The following AFF1 variants were observed in gnomAD, a reference collection of about 807,000 sequenced individuals.
AFF1 encodes the protein ALF transcription elongation factor 1, also known as AF4/FMR2 family member 1.
In AFF1, 48 loss-of-function variants were observed where a neutral mutation model predicts 121.7. The observed-to-expected ratio is 0.39, with a 90% confidence interval of 0.31 to 0.50. The LOEUF is 0.50. AFF1 is among the 20% of genes least tolerant of loss of function. The probability of loss-of-function intolerance (pLI) is 0.76; values close to 1 mark genes in which losing one functional copy is unlikely to be tolerated. For synonymous variants in AFF1, 613 were observed against 563.0 expected (o/e 1.09, Z -1.26); for missense variants, 1,523 against 1,511.7 (o/e 1.01, Z -0.12).
At chr4:86,946,748 A>G (rs1720892802) in intron 1 of AFF1, among the ~76,000 whole-genome samples, 1 of 152,030 alleles carries the variant, frequency 6.6e-6, no homozygotes, top group Non-Finnish European at 1.5e-5. Flanking sequence ...TGGTTCTGTC[A>G]GTCAGTCAAC....
At chr4:87,088,614 T>TG (rs1723972997) in intron 5 of AFF1, among the ~76,000 whole-genome samples, 1 of 152,104 alleles carries the variant, frequency 6.6e-6, no homozygotes, top group East Asian at 1.9e-4. Flanking sequence ...AATTTTTTTT[T>TG]TTGTTGTTGA....
intron 8 of AFF1, among the ~76,000 whole-genome samples, chr4:87,105,324 C>G (rs1157585009): frequency 6.6e-6 from 1 of 152,176 alleles, no homozygotes; most frequent in Non-Finnish European, 1.5e-5. Context: ...CGCAACGAAT[C>G]CTTGTCTTGT....
intron 12 of AFF1, among the ~76,000 whole-genome samples, chr4:87,115,625 T>TTTTTTTTTTTTTTA (rs397994396): frequency 1.9e-5 from 2 of 103,036 alleles, no homozygotes; most frequent in Non-Finnish European, 2.0e-5. Flanking sequence ...TTTTTTTTTT[T>TTTTTTTTTTTTTTA]CCAAAGACAG....
At position 87,136,024 on chromosome 4, in the gene AFF1, C is replaced by G. The variant is rs1448765900; in HGVS notation, c.*323C>G. ...ATTTTTTTTTTAAACCAGCAGGATA[C>G]AAGTTGCAAATGAAATGAGGAGAAA... On this transcript the variant is annotated 3_prime_UTR_variant, in exon 21 of 21. Transcript: ENST00000395146. 1.5e-5 allele frequency: 4 copies of G among 272,074 alleles called. No homozygotes were observed. The highest frequency in any genetic ancestry group is 6.5e-5 in the African/African-American group (3 of 46,404). The allele number at this position is 272,074 out of a possible 1,614,324, so 16.9% of individuals were successfully genotyped here.
chr4:87,012,606 C>T (rs368107860), intron 2 of AFF1, among the ~76,000 whole-genome samples: 93 of 152,240 alleles, frequency 6.1e-4, no homozygotes, highest in African/African-American at 2.1e-3. Context: ...AGATGGTCCT[C>T]AATTCATTTT....
intron 4 of AFF1, among the ~76,000 whole-genome samples, chr4:87,062,992 G>A (rs770602862): frequency 4.6e-5 from 7 of 152,066 alleles, no homozygotes; most frequent in African/African-American, 1.4e-4. Context: ...TTACCTTCTC[G>A]AGGCCGTTAT....
intron 4 of AFF1, among the ~76,000 whole-genome samples, chr4:87,072,512 TATTA>T (rs1455828925): frequency 6.6e-6 from 1 of 151,752 alleles, no homozygotes; most frequent in Non-Finnish European, 1.5e-5. Flanking sequence ...TGTATTTATT[TATTA>T]TTTATTTTTA....
intron 2 of AFF1, among the ~76,000 whole-genome samples, chr4:87,045,461 C>G (rs1172308825): frequency 6.7e-6 from 1 of 148,594 alleles, no homozygotes; most frequent in Non-Finnish European, 1.5e-5. Context: ...CCGTTTAACC[C>G]CTTTAGTGCC....
At position 87,127,164 on chromosome 4, in the gene AFF1, CT is replaced by C. The variant is rs752929953; in HGVS notation, c.2903+49del. On this transcript the variant is annotated intron_variant, in intron 15 of 20. Coordinates refer to ENST00000395146, the MANE Select transcript of AFF1 (RefSeq NM_001166693.3). ...TCTTGCTCTGTTTTGTTTTGTTTTG[CT>C]TCCCCCCCCCACCAAGATAGAGTCT... 74 of 673,766 alleles carry C rather than the reference CT, an allele frequency of 1.1e-4. 1 individual carries two copies. In the Middle Eastern group the frequency reaches 2.5e-3, roughly 23 times the overall value. 41.7% of individuals were successfully genotyped at this position (673,766 alleles called of 1,614,324 possible). A position where few individuals can be genotyped will look rare whatever the true frequency, so the allele number is the denominator to read the frequency against.
At chr4:87,061,275 A>C (rs1055617572) in intron 4 of AFF1, among the ~76,000 whole-genome samples, 2 of 152,214 alleles carry the variant, frequency 1.3e-5, no homozygotes, top group African/African-American at 4.8e-5. Flanking sequence ...CACAGCAGTA[A>C]AGGGAAGAGG....
chr4:86,964,697 G>T (rs1235795677), intron 2 of AFF1, among the ~76,000 whole-genome samples: 2 of 152,136 alleles, frequency 1.3e-5, no homozygotes, highest in African/African-American at 4.8e-5. Flanking sequence ...GCCTCCCAAA[G>T]TGCTGGGATT....
intron 8 of AFF1, among the ~76,000 whole-genome samples, chr4:87,102,497 G>A (rs1022263294): frequency 2.0e-5 from 3 of 152,112 alleles, no homozygotes; most frequent in African/African-American, 7.2e-5. Context: ...ATGTCAGGTG[G>A]CTGTTTTCCT....
At chr4:87,105,710 G>A (rs749696103) in intron 9 of AFF1, 28 bp downstream of exon 9, 1 of 1,614,004 alleles carries the variant, frequency 6.2e-7, no homozygotes, top group Non-Finnish European at 8.5e-7. Flanking sequence ...TGTAATACCA[G>A]GAGTCCTTTT....
intron 4 of AFF1, among the ~76,000 whole-genome samples, chr4:87,076,585 T>C (rs1722697215): frequency 6.6e-6 from 1 of 152,242 alleles, no homozygotes; most frequent in Non-Finnish European, 1.5e-5. Context: ...TTAGGAAAGC[T>C]GTTCAGAGCA....
intron 16 of AFF1, 79 bp downstream of exon 16, chr4:87,127,782 T>G: frequency 7.1e-7 from 1 of 1,403,980 alleles, no homozygotes; most frequent in Non-Finnish European, 1.0e-6. Flanking sequence ...CATTCTGCTG[T>G]ATTCCATATC....
At chr4:87,017,391 T>TC (rs911471344) in intron 2 of AFF1, among the ~76,000 whole-genome samples, 2 of 152,138 alleles carry the variant, frequency 1.3e-5, no homozygotes, top group Non-Finnish European at 2.9e-5. Flanking sequence ...CCGCTCATTT[T>TC]CCCCCATATA....
At chr4:87,096,050 G>A (rs1724804797) in intron 8 of AFF1, among the ~76,000 whole-genome samples, 1 of 152,224 alleles carries the variant, frequency 6.6e-6, no homozygotes, top group African/African-American at 2.4e-5. Flanking sequence ...TTATCTCCTC[G>A]CCATGACTAA....
Position 87,137,104 on chromosome 4 carries a change from G to A in AFF1, c.*1403G>A, listed in dbSNP as rs984542540. The A allele has an allele frequency of 4.4e-6, 1 of 225,550 alleles. No individual in the cohort carries two copies. Among genetic ancestry groups the A allele is most frequent in the Non-Finnish European group, 8.8e-6 (1 of 113,136 alleles). 14.0% of individuals were successfully genotyped at this position (225,550 alleles called of 1,614,324 possible). ...TTTTCTTTTTCATTGAAACTTTAAA[G>A]GTTATTATTGGAAACATTACTTTGA... On this transcript the variant is annotated 3_prime_UTR_variant, in exon 21 of 21. Coordinates refer to ENST00000395146, the MANE Select transcript of AFF1 (RefSeq NM_001166693.3).
chr4:86,982,417 T>TA (rs1723830918), intron 2 of AFF1, among the ~76,000 whole-genome samples: 1 of 79,214 alleles, frequency 1.3e-5, no homozygotes, highest in South Asian at 4.3e-4. Context: ...TTTTTTTTTT[T>TA]ACAAAGTGCT....
Sources: gnomAD v4.1 joint callset for allele counts (sites outside exome capture counted in the v4.1 genomes callset) on GRCh38, gnomAD v4.1.1 for gene constraint, MANE v1.5 for transcripts, NCBI Gene and HGNC (gene_info 2026-07-23, HGNC 2026-07-21) for gene names.